The following ATP9B variants were observed in gnomAD, a reference collection of about 807,000 sequenced individuals.
ATP9B encodes probable phospholipid-transporting ATPase IIB.
In ATP9B, 110 loss-of-function variants were observed where a neutral mutation model predicts 146.1. The observed-to-expected ratio is 0.75, with a 90% confidence interval of 0.65 to 0.88. ATP9B has a LOEUF of 0.88. ATP9B is among the 40% of genes least tolerant of loss of function. ATP9B has a pLI of 0.00. For synonymous variants in ATP9B, 604 were observed against 569.7 expected (o/e 1.06, Z -0.86); for missense variants, 1,499 against 1,496.4 (o/e 1.00, Z -0.03).
At chr18:79,373,676 A>T (rs2097086562) in intron 27 of ATP9B, among the ~76,000 whole-genome samples, 1 of 151,962 alleles carries the variant, frequency 6.6e-6, no homozygotes, top group African/African-American at 2.4e-5. Context: ...TCTTTAGTAG[A>T]GATGGGGTTT....
chr18:79,303,798 C>T, intron 14 of ATP9B, 82 bp downstream of exon 14: 1 of 927,646 alleles, frequency 1.1e-6, no homozygotes, highest in Non-Finnish European at 1.7e-6. Flanking sequence ...GTGTTCCCAT[C>T]TGTAAATTAG....
intron 19 of ATP9B, among the ~76,000 whole-genome samples, chr18:79,337,936 C>T (rs1327963083): frequency 2.0e-5 from 3 of 152,212 alleles, no homozygotes; most frequent in Admixed American, 6.5e-5. Context: ...AACCTGGCCT[C>T]CTCCTGCAGG....
Position 79,374,075 on chromosome 18 carries a change from C to T in ATP9B, c.3248C>T (p.Ser1083Leu). 14 of 1,614,224 alleles carry T rather than the reference C, an allele frequency of 8.7e-6. No individual in the cohort carries two copies. The highest frequency in any genetic ancestry group is 1.3e-5 in the African/African-American group (1 of 75,056). ...CTCAGCTTAGGCTGCTACGTGTCCT[C>T]ACTCGCTTTTCTCAATGAATATTTT... ...EFLSLGCYVSSLAFLNEYFGI... is the reference protein window; with the variant it reads ...EFLSLGCYVSLLAFLNEYFGI... Residue 1083 changes from serine to leucine, a missense_variant, in exon 28 of 30, where the codon TCA becomes TTA. Ser to Leu is a moderately radical substitution (Grantham distance 145, BLOSUM62 -2). Transcript: ENST00000426216.
chr18:79,193,081 T>A, intron 8 of ATP9B, 102 bp from the exon 9 acceptor site: 2 of 817,672 alleles, frequency 2.4e-6, no homozygotes, highest in Non-Finnish European at 3.8e-6. Flanking sequence ...TGATTGCTTT[T>A]GGTAAATAAT....
intron 5 of ATP9B, among the ~76,000 whole-genome samples, chr18:79,131,139 C>G (rs559271987): frequency 6.6e-6 from 1 of 151,572 alleles, no homozygotes; most frequent in Non-Finnish European, 1.5e-5. Context: ...CCAGCCTGGG[C>G]GAAAGAGCAA....
chr18:79,086,294 G>A (rs2073819680), intron 1 of ATP9B: 1 of 151,948 alleles, frequency 6.6e-6, no homozygotes. Context: ...AAATTAGCTG[G>A]ACGTGGTGGC....
In ATP9B at chr18:79,214,114, T is replaced by C. The variant is rs118018496; in HGVS notation, c.1107+76T>C. The C allele has an allele frequency of 1.6e-3, 1,589 of 1,000,530 alleles. 23 individuals carry two copies. In the East Asian group the frequency reaches 0.027, roughly 17 times the overall value. The allele number at this position is 1,000,530 out of a possible 1,614,324, so 62.0% of individuals were successfully genotyped here. On this transcript the variant is annotated intron_variant, in intron 11 of 29. Transcript: ENST00000426216. Reference sequence around the variant, plus strand: ...GTAAGAAAGTCTGCATAGTTCTGAATAGCTCATTCTTTTGGCTTAACATAT... The same window carrying C: ...GTAAGAAAGTCTGCATAGTTCTGAACAGCTCATTCTTTTGGCTTAACATAT...
At chr18:79,329,386 G>T (rs1312022119) in intron 16 of ATP9B, 84 bp downstream of exon 16, 2 of 1,383,920 alleles carry the variant, frequency 1.4e-6, no homozygotes, top group Non-Finnish European at 1.9e-6. Context: ...CCAAAAGAAA[G>T]TTAAACATTT....
chr18:79,117,280 A>T (rs2094102835), intron 4 of ATP9B: 2 of 152,224 alleles, frequency 1.3e-5, no homozygotes, highest in South Asian at 4.1e-4. Flanking sequence ...ATCCTGTTCT[A>T]ATAGAACTAA....
intron 11 of ATP9B, among the ~76,000 whole-genome samples, chr18:79,242,402 A>C (rs141640733): frequency 1.3e-5 from 2 of 152,336 alleles, no homozygotes; most frequent in East Asian, 3.9e-4. Flanking sequence ...ACCGCAAACG[A>C]GAAAGATGTG....
chr18:79,104,071 T>C (rs1366467464), intron 2 of ATP9B, among the ~76,000 whole-genome samples: 1 of 152,144 alleles, frequency 6.6e-6, no homozygotes. Context: ...CCTAAAGCCC[T>C]TCCTTTTTGC....
rs2097080537 is a variant in ATP9B at position 79,372,847 on chromosome 18, C to T, written c.3035C>T (p.Thr1012Ile). 4 of 1,611,862 alleles carry T rather than the reference C, an allele frequency of 2.5e-6. No homozygotes were observed. Among genetic ancestry groups the T allele is most frequent in the Non-Finnish European group, 3.4e-6 (4 of 1,177,930 alleles). ...LTKGRSLSFK[T>I]FLIWVLISIY... Reference sequence around the variant, plus strand: ...TAGGGAAGATCCTTGTCCTTCAAAACCTTCCTCATCTGGGTTTTAATAAGT... The same window carrying T: ...TAGGGAAGATCCTTGTCCTTCAAAATCTTCCTCATCTGGGTTTTAATAAGT... The change falls in exon 27 of 30, where the codon ACC (threonine) becomes ATC (isoleucine). Residue 1012 changes from threonine to isoleucine, a missense_variant. Coordinates refer to ENST00000426216, the MANE Select transcript of ATP9B (RefSeq NM_198531.5).
chr18:79,221,910 G>T (rs1299000437), intron 11 of ATP9B, among the ~76,000 whole-genome samples: 254 of 29,864 alleles, frequency 8.5e-3, no homozygotes, highest in Middle Eastern at 0.02. Flanking sequence ...GGCCAATTTT[G>T]TTCTTTTTTA....
intron 11 of ATP9B, among the ~76,000 whole-genome samples, chr18:79,244,713 A>G (rs955335661): frequency 1.3e-5 from 2 of 152,204 alleles, no homozygotes; most frequent in African/African-American, 4.8e-5. Context: ...GACTTGCTAC[A>G]TTCAGGGTAA....
chr18:79,377,634 A>G lies in ATP9B; in HGVS notation c.*251A>G. 1 of 487,530 alleles carries G rather than the reference A, an allele frequency of 2.1e-6. No homozygotes were observed. The highest frequency in any genetic ancestry group is 3.6e-6 in the Non-Finnish European group (1 of 275,120). The allele number at this position is 487,530 out of a possible 1,614,324, so 30.2% of individuals were successfully genotyped here. On this transcript the variant is annotated 3_prime_UTR_variant, in exon 30 of 30. Transcript: ENST00000426216. Reference sequence around the variant, plus strand: ...CTTCTCCCTCTCAGTGCGAGGCTTCACCCCTGCCAGGCAAGCCCAGGGCAT... The same window carrying G: ...CTTCTCCCTCTCAGTGCGAGGCTTCGCCCCTGCCAGGCAAGCCCAGGGCAT...
rs377629554 is a variant in ATP9B at position 79,261,794 on chromosome 18, C to T, written c.1268+8253C>T. Among the ~76,000 whole-genome samples, 9 of 152,198 alleles carry T rather than the reference C, an allele frequency of 5.9e-5. No homozygotes were observed. The East Asian group carries it at 7.7e-4, about 13-fold the overall frequency. On this transcript the variant is annotated intron_variant, in intron 12 of 29. Coordinates refer to ENST00000426216, the MANE Select transcript of ATP9B (RefSeq NM_198531.5). ...GCTTGTAAGAAACAGTTCAGTTTCCCGATATTCAGGAATGTTTCCTCTCTG... is the reference window on the plus strand; with the variant it reads ...GCTTGTAAGAAACAGTTCAGTTTCCTGATATTCAGGAATGTTTCCTCTCTG...
At chr18:79,081,178 A>G (rs1418063922) in intron 1 of ATP9B, among the ~76,000 whole-genome samples, 1 of 152,120 alleles carries the variant, frequency 6.6e-6, no homozygotes, top group Admixed American at 6.5e-5. Context: ...TGTTTGGAAT[A>G]GTTTCAGAAG....
intron 7 of ATP9B, among the ~76,000 whole-genome samples, chr18:79,156,702 T>TA (rs970675117): frequency 1.3e-5 from 2 of 152,246 alleles, no homozygotes; most frequent in African/African-American, 2.4e-5. Flanking sequence ...TTTGAAGTGT[T>TA]ACTGCTTATA....
intron 13 of ATP9B, among the ~76,000 whole-genome samples, chr18:79,301,344 T>C (rs936957603): frequency 3.3e-5 from 5 of 151,994 alleles, no homozygotes; most frequent in Non-Finnish European, 7.4e-5. Context: ...ATACAAAAAT[T>C]AGTTGGGTGT....
Sources: gnomAD v4.1 joint callset for allele counts (sites outside exome capture counted in the v4.1 genomes callset) on GRCh38, gnomAD v4.1.1 for gene constraint, MANE v1.5 for transcripts, NCBI Gene and HGNC (gene_info 2026-07-23, HGNC 2026-07-21) for gene names.